Variants in HEATR5A observed in about 807,000 individuals in gnomAD.
HEATR5A encodes the protein HEAT repeat containing 5A.
Under a neutral mutation model 218.8 loss-of-function variants are expected in HEATR5A, and 178 were observed. The ratio of observed to expected loss-of-function variants is 0.81; its 90% CI spans 0.72 to 0.92. The LOEUF (loss-of-function observed/expected upper bound fraction) is 0.92. Ranked by LOEUF, HEATR5A falls within the 40% of genes least tolerant of loss-of-function variation. The probability of loss-of-function intolerance (pLI) is 0.00; values close to 1 mark genes in which losing one functional copy is unlikely to be tolerated. For synonymous variants in HEATR5A, 864 were observed against 871.6 expected (o/e 0.99, Z 0.15); for missense variants, 2,420 against 2,418.9 (o/e 1.00, Z -0.01).
intron 13 of HEATR5A, among the ~76,000 whole-genome samples, chr14:31,369,804 T>C (rs1251850582): frequency 6.6e-6 from 1 of 151,670 alleles, no homozygotes; most frequent in African/African-American, 2.4e-5. Context: ...GGTGCATGCC[T>C]GTAATCCCAG....
chr14:31,366,626 A>G (rs1371945214), intron 13 of HEATR5A, among the ~76,000 whole-genome samples: 1 of 152,224 alleles, frequency 6.6e-6, no homozygotes, highest in Non-Finnish European at 1.5e-5. Context: ...TACTTAGGTA[A>G]GTATAAATTA....
At chr14:31,403,277 G>A (rs1244993932) in intron 1 of HEATR5A, among the ~76,000 whole-genome samples, 1 of 152,094 alleles carries the variant, frequency 6.6e-6, no homozygotes, top group Non-Finnish European at 1.5e-5. Context: ...ATTTGCATTT[G>A]TATGCAAAAA....
At chr14:31,389,753 A>C (rs1378255725) in intron 6 of HEATR5A, among the ~76,000 whole-genome samples, 1 of 152,146 alleles carries the variant, frequency 6.6e-6, no homozygotes, top group Non-Finnish European at 1.5e-5. Flanking sequence ...AGTTATGAAC[A>C]AAAAAACCTC....
chr14:31,366,498 T>C (rs1314687319), intron 13 of HEATR5A, among the ~76,000 whole-genome samples: 1 of 152,184 alleles, frequency 6.6e-6, no homozygotes, highest in Non-Finnish European at 1.5e-5. Context: ...GAGAAGTGTA[T>C]GTACATTTTT....
Position 31,337,542 on chromosome 14 carries a change from C to T in HEATR5A, c.3301G>A (p.Glu1101Lys). 1 of 1,578,018 alleles carries T rather than the reference C, an allele frequency of 6.3e-7. No homozygotes were observed. Residue 1101 changes from glutamate to lysine, a missense_variant, in exon 22 of 36, where the codon GAA becomes AAA. Glu to Lys is a moderately conservative substitution (Grantham distance 56). Coordinates refer to ENST00000543095, the MANE Select transcript of HEATR5A (RefSeq NM_015473.4). The part of the protein sequence containing the change: ...LACLRQLVQR[E>K]AAEVSEHAVM... ...GCATGTTCTGAAACTTCAGCTGCTT[C>T]TCTTTGTACAAGCTGACGTAAGCAA...
At chr14:31,305,340 G>A (rs1343847576) in intron 31 of HEATR5A, among the ~76,000 whole-genome samples, 163 bp from the exon 32 acceptor site, 2 of 152,156 alleles carry the variant, frequency 1.3e-5, no homozygotes, top group Non-Finnish European at 2.9e-5. Context: ...TCGGCTCACT[G>A]CAACCTCTGC....
Position 31,358,747 on chromosome 14 carries a change from T to C in HEATR5A, c.2301A>G (p.Lys767=), listed in dbSNP as rs765717785. ...TAGGCACTGAATCTCCCTCTACATC[T>C]TTCTCATAAATCGAATAAGGGTCAT... ...LEYDPYSIYE[K]DVEGDSVPKP... The change falls in exon 16 of 36, where the codon AAA becomes AAG. Residue 767 remains lysine (K), a synonymous_variant. Transcript: ENST00000543095. 1.2e-6 allele frequency: 2 copies of C among 1,613,950 alleles called. No homozygotes were observed. Among genetic ancestry groups the C allele is most frequent in the East Asian group, 2.2e-5 (1 of 44,876 alleles).
Position 31,388,962 on chromosome 14 carries a change from A to C in HEATR5A, c.816T>G (p.Val272=), listed in dbSNP as rs1245655206. Residue 272 remains valine (V), a synonymous_variant, in exon 7 of 36, where the codon GTT becomes GTG. Transcript: ENST00000543095. The part of the protein sequence containing the change: ...QSIRRVSLEE[V]LELLGTGFLR... ...GAAACCCTGTTCCTAGTAATTCCAG[A>C]ACTTCCTCCAAAGATACTCTGCGAA... 3 of 1,613,734 alleles carry C rather than the reference A, an allele frequency of 1.9e-6. No individual in the cohort carries two copies. Among genetic ancestry groups the C allele is most frequent in the Admixed American group, 1.7e-5 (1 of 60,008 alleles).
intron 9 of HEATR5A, 62 bp downstream of exon 9, chr14:31,386,358 C>T: frequency 7.7e-7 from 1 of 1,301,646 alleles, no homozygotes; most frequent in East Asian, 2.6e-5. Context: ...ATGAAGATTT[C>T]CTTCCTTGGA....
chr14:31,393,799 C>T (rs981402168), intron 6 of HEATR5A, among the ~76,000 whole-genome samples: 3 of 151,992 alleles, frequency 2.0e-5, no homozygotes, highest in Admixed American at 2.0e-4. Flanking sequence ...CAGGCGTGTG[C>T]CATCACACCA....
intron 30 of HEATR5A, among the ~76,000 whole-genome samples, chr14:31,307,365 A>G (rs1899587508): frequency 6.6e-6 from 1 of 152,196 alleles, no homozygotes; most frequent in Non-Finnish European, 1.5e-5. Context: ...GAAGTACCAT[A>G]CTTTGTACAG....
At chr14:31,394,702 T>C (rs767774957) in intron 5 of HEATR5A, among the ~76,000 whole-genome samples, 13 of 152,038 alleles carry the variant, frequency 8.6e-5, no homozygotes, top group Admixed American at 2.0e-4. Flanking sequence ...CCTGTAGTCC[T>C]GGCTACTCAG....
At chr14:31,354,716 T>C (rs1160484276) in intron 16 of HEATR5A, among the ~76,000 whole-genome samples, 1 of 152,222 alleles carries the variant, frequency 6.6e-6, no homozygotes, top group Non-Finnish European at 1.5e-5. Context: ...AAAATGTTGA[T>C]TTATTTTACA....
Position 31,293,886 on chromosome 14 carries a change from C to G in HEATR5A, c.5833+5G>C. 6.3e-7 allele frequency: 1 copy of G among 1,586,476 alleles called. No individual in the cohort carries two copies. Among genetic ancestry groups the G allele is most frequent in the African/African-American group, 1.3e-5 (1 of 74,830 alleles). ...ACTGAGTATGAATTTAGTGCTGACA[C>G]TTACGATGGTGTTCTTCAGCAACAG... On this transcript the variant is annotated splice_donor_5th_base_variant and intron_variant, in intron 35 of 35. Transcript: ENST00000543095.
chr14:31,369,625 A>AC (rs1214237688), intron 13 of HEATR5A, among the ~76,000 whole-genome samples: 99 of 148,222 alleles, frequency 6.7e-4, no homozygotes, highest in African/African-American at 2.4e-3. Context: ...AAAAAAAAAA[A>AC]AAAAAAAAAA....
intron 11 of HEATR5A, among the ~76,000 whole-genome samples, chr14:31,377,694 C>T (rs1237222272): frequency 6.6e-6 from 1 of 152,004 alleles, no homozygotes; most frequent in African/African-American, 2.4e-5. Context: ...AGGTGGATCA[C>T]CCGAGCCTGC....
chr14:31,349,293 C>G (rs1459324101), intron 18 of HEATR5A, among the ~76,000 whole-genome samples: 1 of 151,980 alleles, frequency 6.6e-6, no homozygotes, highest in Non-Finnish European at 1.5e-5. Flanking sequence ...GAGGCTGAGG[C>G]TGATGGCGTG....
intron 4 of HEATR5A, among the ~76,000 whole-genome samples, chr14:31,397,233 T>C (rs2030688835): frequency 1.3e-5 from 2 of 152,322 alleles, no homozygotes; most frequent in South Asian, 2.1e-4. Flanking sequence ...TTTAAAAATG[T>C]GTGTGTGACT....
chr14:31,387,716 A>G (rs1002082119), intron 7 of HEATR5A, among the ~76,000 whole-genome samples: 1 of 152,030 alleles, frequency 6.6e-6, no homozygotes, highest in Non-Finnish European at 1.5e-5. Flanking sequence ...CCCGCCACCA[A>G]GCCCGGCTAA....
Sources: gnomAD v4.1 joint callset for allele counts (sites outside exome capture counted in the v4.1 genomes callset) on GRCh38, gnomAD v4.1.1 for gene constraint, MANE v1.5 for transcripts, NCBI Gene and HGNC (gene_info 2026-07-23, HGNC 2026-07-21) for gene names.